Variants in EPGN observed in about 807,000 individuals in gnomAD.
EPGN encodes the protein epithelial mitogen.
A neutral mutation model predicts 20.7 loss-of-function variants in EPGN; 21 were observed. That is an observed-to-expected ratio of 1.01 (90% CI 0.72 to 1.46). EPGN has a LOEUF of 1.46. Ranked by LOEUF, EPGN falls within the 40% of genes most tolerant of loss-of-function variation. The probability of loss-of-function intolerance (pLI) is 0.00; values close to 1 mark genes in which losing one functional copy is unlikely to be tolerated. For synonymous variants in EPGN, 69 were observed against 63.8 expected (o/e 1.08, Z -0.39); for missense variants, 199 against 180.7 (o/e 1.10, Z -0.58).
chr4:74,314,115 T>C (rs1751146210), intron 4 of EPGN: 2 of 456,480 alleles, frequency 4.4e-6, no homozygotes, highest in South Asian at 3.1e-5. Flanking sequence ...GGGAGTACTC[T>C]ACCTTTATTT....
chr4:74,313,484 C>G, intron 4 of EPGN: 1 of 1,206,972 alleles, frequency 8.3e-7, no homozygotes, highest in Non-Finnish European at 1.0e-6. Context: ...CTAAGTATGT[C>G]TTGTTCAAAA....
chr4:74,310,385 C>T (rs184714082), intron 2 of EPGN, among the ~76,000 whole-genome samples: 1 of 141,144 alleles, frequency 7.1e-6, no homozygotes, highest in East Asian at 2.0e-4. Context: ...TTGCTTGAAC[C>T]CAGGAGGTGG....
At chr4:74,313,790 T>G (rs997024930) in intron 4 of EPGN, among the ~76,000 whole-genome samples, 1 of 152,128 alleles carries the variant, frequency 6.6e-6, no homozygotes, top group Admixed American at 6.5e-5. Flanking sequence ...AGTCAAGAAA[T>G]AAAGTGAGAT....
intron 2 of EPGN, among the ~76,000 whole-genome samples, chr4:74,311,380 C>A (rs564658662): frequency 6.6e-6 from 1 of 152,106 alleles, no homozygotes; most frequent in South Asian, 2.1e-4. Flanking sequence ...TAAAGTAATA[C>A]AACATAGTAT....
intron 4 of EPGN, chr4:74,313,425 A>G (rs1751097192): frequency 7.7e-7 from 1 of 1,305,622 alleles, no homozygotes; most frequent in Non-Finnish European, 9.7e-7. Context: ...CTGTCTGCCC[A>G]TATCAAAATT....
At chr4:74,309,287 T>C in intron 2 of EPGN, 105 bp downstream of exon 2, 3 of 756,838 alleles carry the variant, frequency 4.0e-6, no homozygotes, top group Non-Finnish European at 6.1e-6. Flanking sequence ...ATATATTTTA[T>C]TATTAGATAA....
At chr4:74,312,895 T>TGGTATTTG (rs2110354910) in intron 3 of EPGN, 123 bp from the exon 4 acceptor site, 1 of 798,826 alleles carries the variant, frequency 1.3e-6, no homozygotes, top group East Asian at 2.9e-5. Flanking sequence ...GGCTTTCATT[T>TGGTATTTG]GGTATTTGCC....
intron 2 of EPGN, among the ~76,000 whole-genome samples, chr4:74,309,547 A>G (rs1191776513): frequency 6.6e-6 from 1 of 152,172 alleles, no homozygotes; most frequent in Admixed American, 6.5e-5. Flanking sequence ...ATCTGTGATT[A>G]TAAGCTTTGA....
intron 2 of EPGN, among the ~76,000 whole-genome samples, chr4:74,311,456 C>G (rs1403040523): frequency 6.6e-6 from 1 of 152,038 alleles, no homozygotes; most frequent in Non-Finnish European, 1.5e-5. Context: ...CCTTTTAAAA[C>G]TGTTTTTTCC....
rs1237953700 is a variant in EPGN at position 74,313,078 on chromosome 4, G to A, written c.315G>A (p.Val105=). Residue 105 remains valine, a synonymous_variant, in exon 4 of 5, where the codon GTG becomes GTA. Transcript: ENST00000413830. ...ACTTGACTTTAACTTCATATGCTGTGGATTCTTATGAAAAATACATTGCAA... is the reference window on the plus strand; with the variant it reads ...ACTTGACTTTAACTTCATATGCTGTAGATTCTTATGAAAAATACATTGCAA... ...CEHLTLTSYA[V]DSYEKYIAIG... is the part of the protein sequence containing the mutation. 1 of 1,612,978 alleles carries A rather than the reference G, an allele frequency of 6.2e-7. No homozygotes were observed. The highest frequency in any genetic ancestry group is 8.5e-7 in the Non-Finnish European group (1 of 1,179,614).
chr4:74,314,881 G>A lies in EPGN; in HGVS notation c.*244G>A. The A allele has an allele frequency of 1.9e-6, 1 of 519,440 alleles. No individual in the cohort carries two copies. Among genetic ancestry groups the A allele is most frequent in the Non-Finnish European group, 3.4e-6 (1 of 293,044 alleles). The allele number at this position is 519,440 out of a possible 1,614,324, so 32.2% of individuals were successfully genotyped here. A position where few individuals can be genotyped will look rare whatever the true frequency, so the allele number is the denominator to read the frequency against. On this transcript the variant is annotated 3_prime_UTR_variant, in exon 5 of 5. Coordinates refer to ENST00000413830, the MANE Select transcript of EPGN (RefSeq NM_001270989.2). ...AAGTCAAATTCATAGTTTCACTCTG[G>A]GTTTTTTGTTGTTGTGTGGTTATTA...
At chr4:74,308,650 A>G in intron 1 of EPGN, 74 bp downstream of exon 1, 2 of 1,312,720 alleles carry the variant, frequency 1.5e-6, no homozygotes, top group Non-Finnish European at 2.1e-6. Flanking sequence ...TCTCTGCATT[A>G]GAGAGAAGTT....
chr4:74,314,932 C>T lies in EPGN; in HGVS notation c.*295C>T. On this transcript the variant is annotated 3_prime_UTR_variant, in exon 5 of 5. Transcript: ENST00000413830. ...TTCTCACTACAGAAAGACTGAGTTTCATGCTCCTGGCTATGTCAGATGTGA... is the reference window on the plus strand; with the variant it reads ...TTCTCACTACAGAAAGACTGAGTTTTATGCTCCTGGCTATGTCAGATGTGA... 1 of 395,958 alleles carries T rather than the reference C, an allele frequency of 2.5e-6. No individual in the cohort carries two copies. The highest frequency in any genetic ancestry group is 3.4e-5 in the South Asian group (1 of 29,812). 24.5% of individuals were successfully genotyped at this position (395,958 alleles called of 1,614,324 possible).
At chr4:74,313,487 G>A in intron 4 of EPGN, 1 of 1,194,130 alleles carries the variant, frequency 8.4e-7, no homozygotes, top group Non-Finnish European at 1.0e-6. Context: ...AGTATGTCTT[G>A]TTCAAAATTG....
chr4:74,315,683 G>A lies in EPGN; in HGVS notation c.*1046G>A, dbSNP rs1311688083. 2.0e-5 allele frequency among the ~76,000 whole-genome samples: 3 copies of A among 152,114 alleles called. No individual in the cohort carries two copies. The highest frequency in any genetic ancestry group is 7.2e-5 in the African/African-American group (3 of 41,428). ...AATCAGTATCCAGGCCAGGCGTGGT[G>A]GTTCACGCCTGTAATCCTAGCACTT... On this transcript the variant is annotated 3_prime_UTR_variant, in exon 5 of 5. Coordinates refer to ENST00000413830, the MANE Select transcript of EPGN (RefSeq NM_001270989.2).
chr4:74,308,675 G>T, intron 1 of EPGN, 99 bp downstream of exon 1: 1 of 967,942 alleles, frequency 1.0e-6, no homozygotes, highest in Non-Finnish European at 1.6e-6. Flanking sequence ...TCTAACAGTT[G>T]TTCTTTATGA....
At chr4:74,312,966 G>T in intron 3 of EPGN, 52 bp from the exon 4 acceptor site, 1 of 1,362,672 alleles carries the variant, frequency 7.3e-7, no homozygotes, top group Non-Finnish European at 1.0e-6. Flanking sequence ...CAGGTTATTT[G>T]TATTTCTACC....
chr4:74,315,975 A>G lies in EPGN; in HGVS notation c.*1338A>G, dbSNP rs1192465232. Among the ~76,000 whole-genome samples the G allele has an allele frequency of 4.6e-5, 7 of 151,360 alleles. No homozygotes were observed. The highest frequency in any genetic ancestry group is 1.7e-4 in the African/African-American group (7 of 41,094). ...CTCAAAAAAAAAAAAAAAAATCAGT[A>G]TCCTTCCTCTTAGTTATATTTCTGC... On this transcript the variant is annotated 3_prime_UTR_variant, in exon 5 of 5. Coordinates refer to ENST00000413830, the MANE Select transcript of EPGN (RefSeq NM_001270989.2).
intron 1 of EPGN, among the ~76,000 whole-genome samples, chr4:74,308,853 A>C (rs747620782): frequency 2.6e-5 from 4 of 152,108 alleles, no homozygotes; most frequent in Non-Finnish European, 4.4e-5. Context: ...CTTATTTTTT[A>C]ATTAATATGT....
Sources: allele counts gnomAD v4.1 joint callset (sites outside exome capture counted in the v4.1 genomes callset), GRCh38; gene constraint gnomAD v4.1.1; transcripts MANE v1.5; gene names NCBI Gene and HGNC (gene_info 2026-07-23, HGNC 2026-07-21).